The following NEBL variants were observed in gnomAD, a reference collection of about 807,000 sequenced individuals.
NEBL encodes the protein nebulette, also known as LIM and SH3 protein 2.
In NEBL, 122 loss-of-function variants were observed where a neutral mutation model predicts 140.2. The ratio of observed to expected loss-of-function variants is 0.87; its 90% CI spans 0.75 to 1.01. NEBL has a LOEUF of 1.01. Ranked by LOEUF, NEBL falls within the 50% of genes least tolerant of loss-of-function variation. NEBL has a pLI of 0.00. For synonymous variants in NEBL, 436 were observed against 398.9 expected (o/e 1.09, Z -1.11); for missense variants, 1,365 against 1,231.3 (o/e 1.11, Z -1.62).
chr10:20,818,961 A>C, intron 20 of NEBL: 1 of 963,646 alleles, frequency 1.0e-6, no homozygotes, highest in Non-Finnish European at 1.2e-6. Context: ...TTATTATTGC[A>C]GTTGTTAAAT....
At chr10:21,283,679 ATT>A (rs1169404280) in intron 1 of NEBL, among the ~76,000 whole-genome samples, 2 of 152,180 alleles carry the variant, frequency 1.3e-5, no homozygotes, top group Non-Finnish European at 2.9e-5. Flanking sequence ...ACCTATTAAT[ATT>A]TCTGCAGTGA....
rs1835013090 is a variant in NEBL, at chr10:20,781,133, G to A, written c.*4614C>T. 1.3e-5 allele frequency: 2 copies of A among 152,486 alleles called. No homozygotes were observed. The highest frequency in any genetic ancestry group is 1.3e-4 in the Admixed American group (2 of 15,260). The allele number at this position is 152,486 out of a possible 1,614,324, so 9.4% of individuals were successfully genotyped here. The stretch of plus-strand genomic sequence containing the variant: ...CCAAGGCTTAAAGATTCACAGTGTA[G>A]AGGAAAAAAATATGAATTAAAGCAT... On this transcript the variant is annotated 3_prime_UTR_variant, in exon 28 of 28. Coordinates refer to ENST00000377122, the MANE Select transcript of NEBL (RefSeq NM_006393.3).
At chr10:21,172,971 ACT>A (rs1841147839) in intron 1 of NEBL, among the ~76,000 whole-genome samples, 2 of 152,212 alleles carry the variant, frequency 1.3e-5, no homozygotes, top group African/African-American at 4.8e-5. Flanking sequence ...TGGACCTCGG[ACT>A]CTGCCCGGGA....
rs551525034 is a variant in NEBL, at chr10:21,106,598, A to G, written c.164+65785T>C. 3.9e-5 allele frequency among the ~76,000 whole-genome samples: 6 copies of G among 152,282 alleles called. No individual in the cohort carries two copies. In the South Asian group the frequency reaches 1.0e-3, roughly 26 times the overall value. ...GTTTTGGTTACTATAGCCTTGTAGT[A>G]TAGTTTGAAGTCAGGTAGCACGATG... On this transcript the variant is annotated intron_variant, in intron 2 of 6. Transcript: ENST00000417816.
At chr10:21,114,415 G>A (rs564622794) in intron 2 of NEBL, among the ~76,000 whole-genome samples, 2 of 152,138 alleles carry the variant, frequency 1.3e-5, no homozygotes, top group East Asian at 1.9e-4. Flanking sequence ...GAGATAGGAC[G>A]TTCTATAAAT....
intron 1 of NEBL, among the ~76,000 whole-genome samples, chr10:21,255,943 C>A (rs1842654116): frequency 1.3e-5 from 2 of 149,932 alleles, no homozygotes; most frequent in South Asian, 4.2e-4. Context: ...GATCGCACCA[C>A]TGCACTCCAG....
At chr10:20,822,651 CTATA>C (rs1433152829) in intron 19 of NEBL, among the ~76,000 whole-genome samples, 1 of 145,858 alleles carries the variant, frequency 6.9e-6, no homozygotes, top group Non-Finnish European at 1.5e-5. Flanking sequence ...CTAATATAGG[CTATA>C]TATAGATATA....
intron 26 of NEBL, among the ~76,000 whole-genome samples, chr10:20,793,043 A>T: frequency 6.6e-6 from 1 of 152,178 alleles, no homozygotes; most frequent in Non-Finnish European, 1.5e-5. Context: ...ATCTGAAAGG[A>T]TTCTTAGCAC....
At chr10:20,836,513 G>A (rs760608180) in intron 13 of NEBL, among the ~76,000 whole-genome samples, 21 of 152,216 alleles carry the variant, frequency 1.4e-4, no homozygotes, top group East Asian at 7.8e-4. Context: ...GTGAGCCACC[G>A]CATCTGGCCA....
rs574553938 is a variant in NEBL at position 21,186,236 on chromosome 10, T to A, written n.349-13759A>T. ...GAGAACATACATAACCATCCCTTTT[T>A]AAAAAATTTTTATATATACAAACAC... On this transcript the variant is annotated intron_variant and non_coding_transcript_variant, in intron 3 of 8. Transcript: ENST00000675702. 5.3e-5 allele frequency among the ~76,000 whole-genome samples: 8 copies of A among 150,172 alleles called. No homozygotes were observed. In the South Asian group the frequency reaches 1.3e-3, roughly 24 times the overall value.
intron 2 of NEBL, among the ~76,000 whole-genome samples, chr10:21,049,500 GC>G (rs1407358727): frequency 6.6e-6 from 1 of 152,026 alleles, no homozygotes; most frequent in African/African-American, 2.4e-5. Flanking sequence ...TCACTCCAGA[GC>G]CTAGAATGTC....
rs546937342 is a variant in NEBL, at chr10:21,152,967, T to C, written c.164+19416A>G. 3.9e-5 allele frequency among the ~76,000 whole-genome samples: 6 copies of C among 152,310 alleles called. No individual in the cohort carries two copies. In the East Asian group the frequency reaches 9.6e-4, roughly 24 times the overall value. On this transcript the variant is annotated intron_variant, in intron 2 of 6. Coordinates refer to the NEBL transcript ENST00000417816. The stretch of plus-strand genomic sequence containing the variant: ...CTTAGAACCAAAGTCTTGGTCTCCT[T>C]GGTCTCAACCTCCCTTTTCAGACTT...
chr10:21,002,730 A>T (rs1300760532), intron 3 of NEBL, among the ~76,000 whole-genome samples: 22 of 152,126 alleles, frequency 1.4e-4, no homozygotes, highest in Admixed American at 1.4e-3. Context: ...ACTTTTAAAC[A>T]ACCAGATCTC....
At chr10:21,227,716 T>TCTTCTTCTTCTTC (rs1842181036) in intron 3 of NEBL, among the ~76,000 whole-genome samples, 2 of 101,982 alleles carry the variant, frequency 2.0e-5, no homozygotes, top group African/African-American at 9.6e-5. Context: ...TCTTCTTTCT[T>TCTTCTTCTTCTTC]CTTCTTCTTC....
chr10:20,945,174 C>T (rs1424159065), intron 4 of NEBL, among the ~76,000 whole-genome samples: 1 of 152,168 alleles, frequency 6.6e-6, no homozygotes, highest in African/African-American at 2.4e-5. Context: ...ACCCACCATT[C>T]ACCACTGCCA....
intron 2 of NEBL, chr10:21,172,207 TA>T: frequency 1.6e-6 from 1 of 644,826 alleles, no homozygotes; most frequent in Non-Finnish European, 2.8e-6. Context: ...TAGAAAGGTA[TA>T]AAAAGCAGTG....
At chr10:20,880,956 C>G in intron 4 of NEBL, 52 bp from the exon 5 acceptor site, 1 of 1,430,430 alleles carries the variant, frequency 7.0e-7, no homozygotes, top group South Asian at 1.1e-5. Context: ...TAAATTCTTG[C>G]CTGCTAATTT....
intron 18 of NEBL, among the ~76,000 whole-genome samples, chr10:20,824,288 G>GT (rs1167297707): frequency 6.6e-6 from 1 of 152,100 alleles, no homozygotes; most frequent in Non-Finnish European, 1.5e-5. Flanking sequence ...AAATCACCTG[G>GT]TAATGTTTAA....
chr10:21,160,336 G>T lies in NEBL; in HGVS notation c.164+12047C>A, dbSNP rs1299702238. Among the ~76,000 whole-genome samples, 4 of 152,182 alleles carry T rather than the reference G, an allele frequency of 2.6e-5. No homozygotes were observed. In the South Asian group the frequency reaches 8.3e-4, roughly 32 times the overall value. ...TGCAGGTATATATGACACAAGAGGC[G>T]CACAAATAAGCCAGCTTCCTGACTC... On this transcript the variant is annotated intron_variant, in intron 2 of 6. Coordinates refer to the NEBL transcript ENST00000417816.
Sources: allele counts gnomAD v4.1 joint callset (sites outside exome capture counted in the v4.1 genomes callset), GRCh38; gene constraint gnomAD v4.1.1; transcripts MANE v1.5; gene names NCBI Gene and HGNC (gene_info 2026-07-23, HGNC 2026-07-21).